CCDC178: variants seen among roughly 807,000 people sequenced by gnomAD.
CCDC178 encodes coiled-coil domain-containing protein 178.
Under a neutral mutation model 117.4 loss-of-function variants are expected in CCDC178, and 126 were observed. The ratio of observed to expected loss-of-function variants is 1.07; its 90% confidence interval spans 0.93 to 1.24. CCDC178 has a LOEUF of 1.24. Among genes scored for constraint, CCDC178 ranks in the 50% most tolerant of loss-of-function variants. CCDC178 has a pLI of 0.00. For missense variants in CCDC178, 1,030 were observed against 986.9 expected (o/e 1.04, Z -0.59); for synonymous variants, 283 against 313.4 (o/e 0.90, Z 1.02).
At chr18:33,308,754 C>T (rs936869185) in intron 11 of CCDC178, among the ~76,000 whole-genome samples, 10 of 152,090 alleles carry the variant, frequency 6.6e-5, no homozygotes, top group African/African-American at 2.4e-4. Context: ...AGCGAGTAAG[C>T]TCTCACAAGA....
chr18:33,016,939 A>G (rs1246740211), intron 21 of CCDC178, among the ~76,000 whole-genome samples: 1 of 152,026 alleles, frequency 6.6e-6, no homozygotes. Context: ...ACTTGATGTG[A>G]CAGGAATAGA....
intron 22 of CCDC178, among the ~76,000 whole-genome samples, chr18:32,970,218 G>C (rs1041730419): frequency 6.6e-6 from 1 of 151,804 alleles, no homozygotes; most frequent in South Asian, 2.1e-4. Context: ...TAATTCAAAA[G>C]CTTATCTGGC....
chr18:33,022,194 T>C (rs9966573), intron 21 of CCDC178, among the ~76,000 whole-genome samples: 1,662 of 152,266 alleles, frequency 0.011, 33 homozygotes, highest in African/African-American at 0.037. Flanking sequence ...CTTTTCCCAT[T>C]CTTTTGTGTG....
chr18:33,250,979 A>G (rs948630791), intron 14 of CCDC178, among the ~76,000 whole-genome samples: 2 of 151,676 alleles, frequency 1.3e-5, no homozygotes, highest in African/African-American at 2.4e-5. Flanking sequence ...GCAAAACTGA[A>G]TAAGAAAACA....
chr18:33,163,665 A>C (rs748320947), intron 20 of CCDC178, among the ~76,000 whole-genome samples: 1 of 152,218 alleles, frequency 6.6e-6, no homozygotes, highest in African/African-American at 2.4e-5. Context: ...GCTATTCTAT[A>C]ATAAAATAAT....
chr18:33,407,174 C>T (rs1288448079), intron 3 of CCDC178, among the ~76,000 whole-genome samples: 1 of 152,130 alleles, frequency 6.6e-6, no homozygotes, highest in African/African-American at 2.4e-5. Context: ...CCAGATGTCT[C>T]CCTGCTTCAA....
At chr18:33,329,306 G>T (rs1172915548) in intron 10 of CCDC178, among the ~76,000 whole-genome samples, 2 of 152,022 alleles carry the variant, frequency 1.3e-5, no homozygotes, top group African/African-American at 4.8e-5. Flanking sequence ...AACCACTCTG[G>T]CTTGAACTTT....
chr18:33,338,144 T>C (rs1196191999), intron 9 of CCDC178, among the ~76,000 whole-genome samples: 3 of 152,180 alleles, frequency 2.0e-5, no homozygotes, highest in African/African-American at 7.2e-5. Context: ...AACAAACATA[T>C]GGAAAAATGT....
At chr18:32,974,323 T>G (rs1341364374) in intron 22 of CCDC178, among the ~76,000 whole-genome samples, 1 of 152,198 alleles carries the variant, frequency 6.6e-6, no homozygotes, top group Non-Finnish European at 1.5e-5. Flanking sequence ...AAATCAGTTC[T>G]GAGGTTTGTG....
At chr18:33,010,316 A>AT (rs1478294405) in intron 21 of CCDC178, among the ~76,000 whole-genome samples, 1 of 152,166 alleles carries the variant, frequency 6.6e-6, no homozygotes, top group Non-Finnish European at 1.5e-5. Context: ...GATGTAAAGT[A>AT]TTCCCCTCAG....
At chr18:32,976,610 A>G (rs8088820) in intron 21 of CCDC178, among the ~76,000 whole-genome samples, 151,960 of 152,252 alleles carry the variant, frequency 1, 75,835 homozygotes, top group Non-Finnish European at 1. Flanking sequence ...AATAGCAGAA[A>G]AAAAGAACCA....
intron 5 of CCDC178, among the ~76,000 whole-genome samples, chr18:33,383,285 A>G (rs900833332): frequency 3.3e-5 from 5 of 152,136 alleles, no homozygotes; most frequent in Non-Finnish European, 5.9e-5. Flanking sequence ...AGTGGACTTA[A>G]TATTTCCTTC....
intron 21 of CCDC178, 113 bp from the exon 22 acceptor site, chr18:32,974,794 T>C: frequency 2.0e-6 from 2 of 987,280 alleles, no homozygotes; most frequent in Admixed American, 4.2e-5. Context: ...TAGCCCATTC[T>C]GCACTGCACG....
rs189551839 is a variant in CCDC178 at position 33,148,377 on chromosome 18, C to T, written c.2239-55467G>A. Among the ~76,000 whole-genome samples, 274 of 151,986 alleles carry T rather than the reference C, an allele frequency of 1.8e-3. 5 individuals carry two copies. In the East Asian group the frequency reaches 0.041, roughly 23 times the overall value. ...GCAGTGAGCCTAGATGGTGGCAGTACAGTCCAGCTTCGGCTCGGCATCAGA... is the reference window on the plus strand; with the variant it reads ...GCAGTGAGCCTAGATGGTGGCAGTATAGTCCAGCTTCGGCTCGGCATCAGA... On this transcript the variant is annotated intron_variant, in intron 20 of 22. Coordinates refer to ENST00000383096, the MANE Select transcript of CCDC178 (RefSeq NM_001105528.4).
At chr18:33,191,016 G>C (rs1374898881) in intron 20 of CCDC178, among the ~76,000 whole-genome samples, 1 of 152,036 alleles carries the variant, frequency 6.6e-6, no homozygotes, top group African/African-American at 2.4e-5. Flanking sequence ...AACTATGTCA[G>C]CATGATGGTT....
At chr18:33,427,635 C>T (rs1027637619) in intron 2 of CCDC178, among the ~76,000 whole-genome samples, 23 of 152,092 alleles carry the variant, frequency 1.5e-4, no homozygotes, top group Admixed American at 4.6e-4. Flanking sequence ...CATGGTTTTG[C>T]TAAAGCCAAG....
intron 21 of CCDC178, among the ~76,000 whole-genome samples, chr18:33,051,573 C>T (rs35744906): frequency 7.9e-5 from 12 of 152,262 alleles, no homozygotes; most frequent in East Asian, 3.9e-4. Flanking sequence ...CTGGGATGGA[C>T]GCTGTGTTGT....
chr18:33,126,592 G>C (rs561782983), intron 20 of CCDC178, among the ~76,000 whole-genome samples: 1 of 151,992 alleles, frequency 6.6e-6, no homozygotes, highest in Non-Finnish European at 1.5e-5. Context: ...TGGAACTCAT[G>C]TATATGAAAA....
At chr18:33,079,897 A>T (rs272965) in intron 21 of CCDC178, among the ~76,000 whole-genome samples, 21,641 of 152,148 alleles carry the variant, frequency 0.14, 2,389 homozygotes, top group African/African-American at 0.31. Flanking sequence ...AACAGAGCTA[A>T]CATTTCACTC....
Sources: gnomAD v4.1 joint callset for allele counts (sites outside exome capture counted in the v4.1 genomes callset) on GRCh38, gnomAD v4.1.1 for gene constraint, MANE v1.5 for transcripts, NCBI Gene and HGNC (gene_info 2026-07-23, HGNC 2026-07-21) for gene names.